Variants in HDAC4 observed in about 807,000 individuals in gnomAD.
HDAC4 encodes histone deacetylase 4.
In HDAC4, 16 loss-of-function variants were observed where a neutral mutation model predicts 135.1. The observed-to-expected ratio is 0.12, with a 90% CI of 0.08 to 0.18. HDAC4 has a LOEUF of 0.18. Among genes scored for constraint, HDAC4 ranks in the 10% least tolerant of loss-of-function variants. The pLI is 1.00. For synonymous variants in HDAC4, 685 were observed against 653.4 expected (o/e 1.05, Z -0.74); for missense variants, 1,143 against 1,511.8 (o/e 0.76, Z 4.05).
intron 11 of HDAC4, among the ~76,000 whole-genome samples, chr2:239,131,771 C>T (rs1047441758): frequency 1.3e-5 from 2 of 152,236 alleles, no homozygotes; most frequent in East Asian, 3.8e-4. Flanking sequence ...ATTCAGGGGA[C>T]AGCCGTGGGC....
chr2:239,257,758 C>CA (rs2049129209), intron 2 of HDAC4, among the ~76,000 whole-genome samples: 1 of 152,138 alleles, frequency 6.6e-6, no homozygotes, highest in African/African-American at 2.4e-5. Context: ...TCCTAGGCCT[C>CA]AAACTGTCTC....
chr2:239,295,630 A>C (rs1320428018), intron 2 of HDAC4, among the ~76,000 whole-genome samples: 1 of 152,142 alleles, frequency 6.6e-6, no homozygotes, highest in East Asian at 1.9e-4. Flanking sequence ...CTCACTTTGT[A>C]ATTTGCTGTT....
intron 3 of HDAC4, 23 bp downstream of exon 3, chr2:239,236,570 A>G (rs1344423553): frequency 2.6e-6 from 4 of 1,544,848 alleles, no homozygotes; most frequent in Middle Eastern, 1.7e-4. Flanking sequence ...CCGGCCGGAC[A>G]GGGCAGGGGT....
chr2:239,400,726 T>C lies in HDAC4; in HGVS notation c.-220+252A>G, dbSNP rs1696925416. On this transcript the variant is annotated intron_variant, in intron 1 of 26. Transcript: ENST00000543185. This position sits in a 1 kb window ranked among gnomAD's most constrained non-coding sequence, Gnocchi z 4.7. Reference sequence around the variant, plus strand: ...CGGCGGCGGCCGGCTCTAGCCCTGCTCCGGCGCTCCGCGCCGCATCTCCTC... The same window carrying C: ...CGGCGGCGGCCGGCTCTAGCCCTGCCCCGGCGCTCCGCGCCGCATCTCCTC... 1 of 143,758 alleles carries C rather than the reference T, an allele frequency of 7.0e-6. No homozygotes were observed. Among genetic ancestry groups the C allele is most frequent in the South Asian group, 2.0e-4 (1 of 5,060 alleles). 8.9% of individuals were successfully genotyped at this position (143,758 alleles called of 1,614,324 possible).
chr2:239,350,552 G>A (rs150675160), intron 2 of HDAC4, among the ~76,000 whole-genome samples: 1 of 152,008 alleles, frequency 6.6e-6, no homozygotes, highest in Non-Finnish European at 1.5e-5. Flanking sequence ...TCGCCAGGCT[G>A]AAGTACAGTG....
intron 4 of HDAC4, 79 bp downstream of exon 4, chr2:239,189,754 C>G: frequency 7.1e-7 from 1 of 1,418,364 alleles, no homozygotes. Context: ...CAGCACACTC[C>G]GCGGAGGCAG....
chr2:239,073,818 A>G (rs1012190214), intron 22 of HDAC4, among the ~76,000 whole-genome samples: 1 of 152,152 alleles, frequency 6.6e-6, no homozygotes, highest in African/African-American at 2.4e-5. Flanking sequence ...GATGGAGAGA[A>G]TGCCTTGGAA....
At chr2:239,162,155 G>A (rs560817646) in intron 6 of HDAC4, 56 of 456,712 alleles carry the variant, frequency 1.2e-4, no homozygotes, top group South Asian at 7.0e-4. Context: ...TCCAACTCCC[G>A]CTGCAGCCTC....
chr2:239,053,599 T>G lies in HDAC4; in HGVS notation c.3091A>C (p.Lys1031Gln). The G allele has an allele frequency of 1.2e-6, 2 of 1,613,554 alleles. No individual in the cohort carries two copies. Among genetic ancestry groups the G allele is most frequent in the Non-Finnish European group, 8.5e-7 (1 of 1,179,922 alleles). Residue 1031 changes from lysine (K) to glutamine (Q), a missense_variant and splice_region_variant, in exon 26 of 27, where the codon AAG becomes CAG. Lys to Gln is a moderately conservative substitution (Grantham distance 53). This residue lies in a region of HDAC4 where 131 missense variants were observed against 130.6 expected (regional missense o/e 1.00). Transcript: ENST00000543185. Reference protein sequence around the residue: ...SMEKVMEIHSKYWRCLQRTTS... With the variant: ...SMEKVMEIHSQYWRCLQRTTS... ...GTGCGCTGCAGGCAGCGCCAGTACT[T>G]GCCTGGGGTGGTGGGGTGAGGAAAG...
intron 5 of HDAC4, among the ~76,000 whole-genome samples, chr2:239,165,454 C>T (rs561659533): frequency 2.6e-5 from 4 of 152,184 alleles, no homozygotes; most frequent in Admixed American, 6.5e-5. Context: ...TAGAATCTTC[C>T]GGCGATGTGC....
At chr2:239,338,386 A>G (rs980799688) in intron 2 of HDAC4, among the ~76,000 whole-genome samples, 12 of 151,988 alleles carry the variant, frequency 7.9e-5, no homozygotes, top group Middle Eastern at 6.8e-3. Context: ...GTGCCCCAAA[A>G]TCCCTATTAC....
chr2:239,178,179 C>G (rs2043894171), intron 4 of HDAC4, among the ~76,000 whole-genome samples: 1 of 152,198 alleles, frequency 6.6e-6, no homozygotes, highest in South Asian at 2.1e-4. Context: ...CCTGGGAGAG[C>G]CTCTCTGCCA....
intron 2 of HDAC4, among the ~76,000 whole-genome samples, chr2:239,280,829 T>A (rs149755387): frequency 0.1 from 15,096 of 145,352 alleles, 1,326 homozygotes; most frequent in East Asian, 0.44. Context: ...CACTCTACAA[T>A]GTACACACCA....
In HDAC4 at chr2:239,051,159, TC is replaced by T. The variant is rs2030785237; in HGVS notation, c.*1937del. The T allele has an allele frequency of 6.6e-6, 1 of 152,540 alleles. No individual in the cohort carries two copies. The highest frequency in any genetic ancestry group is 2.4e-5 in the African/African-American group (1 of 41,424). The allele number at this position is 152,540 out of a possible 1,614,324, so 9.4% of individuals were successfully genotyped here. On this transcript the variant is annotated 3_prime_UTR_variant, in exon 27 of 27. Transcript: ENST00000543185. ...GGTGGCCGGGCATCCTAAGCAACCC[TC>T]CCTGCCCTTGCCACGGAGGGGAAAA...
At chr2:239,083,499 G>C (rs1386542198) in intron 20 of HDAC4, among the ~76,000 whole-genome samples, 1 of 152,208 alleles carries the variant, frequency 6.6e-6, no homozygotes, top group Non-Finnish European at 1.5e-5. Flanking sequence ...GACAGGGCCT[G>C]CTTTTTTCCC....
chr2:239,145,918 G>C (rs1216218150), intron 7 of HDAC4, among the ~76,000 whole-genome samples: 1 of 152,218 alleles, frequency 6.6e-6, no homozygotes, highest in African/African-American at 2.4e-5. Context: ...CTTCGAGTCA[G>C]GGACAGTTTT....
chr2:239,161,155 T>A (rs1457219225), intron 6 of HDAC4, among the ~76,000 whole-genome samples: 1 of 152,154 alleles, frequency 6.6e-6, no homozygotes, highest in Non-Finnish European at 1.5e-5. Flanking sequence ...TTTTTACTAT[T>A]GAGTTATAGG....
intron 2 of HDAC4, among the ~76,000 whole-genome samples, chr2:239,310,619 C>T (rs1329376029): frequency 1.3e-5 from 2 of 152,202 alleles, no homozygotes; most frequent in Non-Finnish European, 2.9e-5. Flanking sequence ...TAAATGGCTT[C>T]AGGAGCTCCC....
At chr2:239,324,683 G>A (rs1299236328) in intron 2 of HDAC4, among the ~76,000 whole-genome samples, 1 of 152,172 alleles carries the variant, frequency 6.6e-6, no homozygotes, top group Non-Finnish European at 1.5e-5. Context: ...GGGAACCCAC[G>A]CTGCAGAAAG....
Sources: allele counts gnomAD v4.1 joint callset (sites outside exome capture counted in the v4.1 genomes callset), GRCh38; gene constraint gnomAD v4.1.1; regional missense constraint gnomAD v4.1.1; non-coding constraint Gnocchi (gnomAD v3.1); transcripts MANE v1.5; gene names NCBI Gene and HGNC (gene_info 2026-07-23, HGNC 2026-07-21).